Variants in DYNC2I2 observed in about 807,000 individuals in gnomAD.
DYNC2I2 encodes the protein dynein 2 intermediate chain 2.
Under a neutral mutation model 52.0 loss-of-function variants are expected in DYNC2I2, and 39 were observed. The ratio of observed to expected loss-of-function variants is 0.75; its 90% confidence interval spans 0.58 to 0.98. DYNC2I2 has a LOEUF of 0.98. Among genes scored for constraint, DYNC2I2 ranks in the 50% least tolerant of loss-of-function variants. DYNC2I2 has a pLI of 0.00. For missense variants in DYNC2I2, 743 were observed against 728.4 expected (o/e 1.02, Z -0.23); for synonymous variants, 359 against 321.1 (o/e 1.12, Z -1.26).
At position 128,634,732 on chromosome 9, in the gene DYNC2I2, G is replaced by C. The variant is rs537004785; in HGVS notation, c.1171C>G (p.His391Asp). The C allele has an allele frequency of 1.5e-5, 24 of 1,595,918 alleles. No homozygotes were observed. The highest frequency in any genetic ancestry group is 1.0e-4 in the South Asian group (9 of 88,570). ...CTCACAGAGTAGATGGGACCGCCGT[G>C]GGGGGAGAAGGTAAACTGTGCTGGG... ...RAPAQFTFSP[H>D]GGPIYSVSCS... The change falls in exon 7 of 9, where the codon CAC (histidine) becomes GAC (aspartate). Residue 391 changes from histidine to aspartate, a missense_variant. Coordinates refer to ENST00000372715, the MANE Select transcript of DYNC2I2 (RefSeq NM_052844.4).
At chr9:128,679,222 T>C in the DYNC2I2 span, among the ~76,000 whole-genome samples, 1 of 152,310 alleles carries the variant, frequency 6.6e-6, no homozygotes, top group East Asian at 1.9e-4. Context: ...ATTCTCTTCA[T>C]GATCTTAGGC....
At chr9:128,667,250 G>A in the DYNC2I2 span, among the ~76,000 whole-genome samples, 2 of 152,126 alleles carry the variant, frequency 1.3e-5, no homozygotes, top group Admixed American at 1.3e-4. Context: ...TTTAGTGCCA[G>A]CTACTAGGCT....
Position 128,634,680 on chromosome 9 carries a change from C to T in DYNC2I2, c.1214+9G>A. ...TGGCCCCACTGTGCCCCAGGCCTGCCCTACGTACCTGTGGAAGGGGGAACA... is the reference window on the plus strand; with the variant it reads ...TGGCCCCACTGTGCCCCAGGCCTGCTCTACGTACCTGTGGAAGGGGGAACA... On this transcript the variant is annotated intron_variant, in intron 7 of 8. Coordinates refer to ENST00000372715, the MANE Select transcript of DYNC2I2 (RefSeq NM_052844.4). 1.3e-6 allele frequency: 2 copies of T among 1,533,984 alleles called. No individual in the cohort carries two copies. Among genetic ancestry groups the T allele is most frequent in the South Asian group, 1.2e-5 (1 of 80,488 alleles).
chr9:128,652,432 C>CA (rs59498068), intron 1 of DYNC2I2, among the ~76,000 whole-genome samples: 42 of 92,856 alleles, frequency 4.5e-4, no homozygotes, highest in South Asian at 2.0e-3. Context: ...AACTTCATCT[C>CA]AAAAAAAAAA....
the DYNC2I2 span, among the ~76,000 whole-genome samples, chr9:128,671,548 A>G: frequency 2.7e-5 from 4 of 148,806 alleles, no homozygotes; most frequent in African/African-American, 9.9e-5. Flanking sequence ...TCTCGATTCA[A>G]TGTAACCTCT....
At chr9:128,668,306 G>A in the DYNC2I2 span, among the ~76,000 whole-genome samples, 1 of 140,568 alleles carries the variant, frequency 7.1e-6, no homozygotes, top group Non-Finnish European at 1.7e-5. Flanking sequence ...GCCTCCCAGA[G>A]TGCTGGGATT....
At chr9:128,636,209 TC>T in intron 4 of DYNC2I2, 71 bp downstream of exon 4, 1 of 1,547,560 alleles carries the variant, frequency 6.5e-7, no homozygotes, top group Non-Finnish European at 8.7e-7. Flanking sequence ...CATGGAAAGC[TC>T]CCTTGTGCCC....
At position 128,636,330 on chromosome 9, in the gene DYNC2I2, G is replaced by C. The variant is rs750407126; in HGVS notation, c.654C>G (p.Ser218Arg). ...GGTGGAAGGCCAGACACAGGACAGCGCTGGGGACCTCCACCACGGCCGACG... is the reference window on the plus strand; with the variant it reads ...GGTGGAAGGCCAGACACAGGACAGCCCTGGGGACCTCCACCACGGCCGACG... Reference protein sequence around the residue: ...QQPSAVVEVPSAVLCLAFHPT... With the variant: ...QQPSAVVEVPRAVLCLAFHPT... The change falls in exon 4 of 9, where the codon AGC (serine) becomes AGG (arginine). Residue 218 changes from serine (S) to arginine (R), a missense_variant. Coordinates refer to ENST00000372715, the MANE Select transcript of DYNC2I2 (RefSeq NM_052844.4). 3 of 1,597,316 alleles carry C rather than the reference G, an allele frequency of 1.9e-6. No homozygotes were observed. In the African/African-American group the frequency reaches 4.0e-5, roughly 21 times the overall value.
In DYNC2I2 at chr9:128,633,766, A is replaced by G. The variant is rs200500840; in HGVS notation, c.1589T>C (p.Leu530Pro). The G allele has an allele frequency of 6.2e-7, 1 of 1,613,278 alleles. No homozygotes were observed. The highest frequency in any genetic ancestry group is 2.2e-5 in the East Asian group (1 of 44,882). ...GPREAEDLDCLAAEVAA is the reference protein window; with the variant it reads ...GPREAEDLDCPAAEVAA ...CCCTCAGGCCGCCACCTCTGCTGCC[A>G]GGCAGTCCAGGTCCTCAGCTTCCCG... Residue 530 changes from leucine to proline, a missense_variant, in exon 9 of 9, where the codon CTG becomes CCG. By Grantham distance (98) the Leu-to-Pro change is moderately conservative (BLOSUM62 -3). Coordinates refer to ENST00000372715, the MANE Select transcript of DYNC2I2 (RefSeq NM_052844.4).
At chr9:128,639,669 T>G (rs143670815) in intron 2 of DYNC2I2, among the ~76,000 whole-genome samples, 5 of 151,682 alleles carry the variant, frequency 3.3e-5, no homozygotes, top group Admixed American at 1.3e-4. Flanking sequence ...TTTTGTTGTT[T>G]TTTTGTCTTT....
the DYNC2I2 span, chr9:128,683,881 G>A: frequency 2.6e-6 from 4 of 1,545,748 alleles, no homozygotes; most frequent in East Asian, 2.4e-5. Flanking sequence ...CTGGTTCTGG[G>A]ACTTCCCTAA....
upstream of DYNC2I2, among the ~76,000 whole-genome samples, chr9:128,657,091 G>A (rs897792809): frequency 1.3e-5 from 2 of 152,214 alleles, no homozygotes; most frequent in Non-Finnish European, 2.9e-5. Flanking sequence ...GTCTGGGCCT[G>A]GGAGCGCAGA....
the DYNC2I2 span, among the ~76,000 whole-genome samples, chr9:128,682,697 ACGGAGT>A: frequency 2.5e-5 from 3 of 122,388 alleles, no homozygotes; most frequent in Non-Finnish European, 4.9e-5. Context: ...TTTTTTTGAG[ACGGAGT>A]CTCGCTCTGT....
At position 128,635,119 on chromosome 9, in the gene DYNC2I2, C is replaced by T; in HGVS notation, c.954G>A (p.Gln318=). ...LTEGFALVMQ[Q]LPRSTKLKKH... Reference sequence around the variant, plus strand: ...TCTTGAGCTTGGTGCTCCGTGGCAGCTGCTGCATGACCAGGGCGAAGCCCT... The same window carrying T: ...TCTTGAGCTTGGTGCTCCGTGGCAGTTGCTGCATGACCAGGGCGAAGCCCT... Residue 318 remains glutamine, a synonymous_variant, in exon 6 of 9, where the codon CAG becomes CAA. Coordinates refer to ENST00000372715, the MANE Select transcript of DYNC2I2 (RefSeq NM_052844.4). The T allele has an allele frequency of 6.2e-7, 1 of 1,612,772 alleles. No homozygotes were observed. Among genetic ancestry groups the T allele is most frequent in the South Asian group, 1.1e-5 (1 of 91,038 alleles).
At chr9:128,648,629 T>C (rs373482118) in intron 1 of DYNC2I2, among the ~76,000 whole-genome samples, 1 of 30,154 alleles carries the variant, frequency 3.3e-5, no homozygotes, top group Non-Finnish European at 8.4e-5. Flanking sequence ...CTACTAAAAA[T>C]ACAAAAAAAA....
chr9:128,676,617 C>T, the DYNC2I2 span, among the ~76,000 whole-genome samples: 7 of 151,560 alleles, frequency 4.6e-5, no homozygotes, highest in Non-Finnish European at 7.4e-5. Flanking sequence ...CTGCTACCTC[C>T]GCCTCCTAGG....
the DYNC2I2 span, among the ~76,000 whole-genome samples, chr9:128,668,210 T>C: frequency 6.2e-3 from 942 of 151,146 alleles, 5 homozygotes; most frequent in Non-Finnish European, 9.0e-3. Flanking sequence ...CCGCCCGCCT[T>C]GGCCTCCCAA....
At position 128,656,733 on chromosome 9, in the gene DYNC2I2, G is replaced by C. The variant is rs763066546; in HGVS notation, c.-7C>G. On this transcript the variant is annotated 5_prime_UTR_variant, in exon 1 of 9. Transcript: ENST00000372715. ...GCTGCGCGCGGGTTGCCATGGAGAC[G>C]GTTCCGCCCTCTCGTGCGGACGCAC... is the stretch of plus-strand genomic sequence containing the variant. 2.9e-6 allele frequency: 4 copies of C among 1,385,970 alleles called. No homozygotes were observed. In the Admixed American group the frequency reaches 1.4e-4, roughly 49 times the overall value. 85.9% of individuals were successfully genotyped at this position (1,385,970 alleles called of 1,614,324 possible).
rs1860238455 is a variant in DYNC2I2 at position 128,633,801 on chromosome 9, T to G, written c.1554A>C (p.Glu518Asp). Residue 518 changes from glutamate (E) to aspartate (D), a missense_variant, in exon 9 of 9, where the codon GAA becomes GAC. By Grantham distance (45) the Glu-to-Asp change is conservative. Coordinates refer to ENST00000372715, the MANE Select transcript of DYNC2I2 (RefSeq NM_052844.4). ...KVWQLSTEFT[E>D]QGPREAEDLD... ...GGTCCTCAGCTTCCCGGGGCCCTTG[T>G]TCCGTGAACTCTGTGCTCAGCTGCC... 3 of 1,613,462 alleles carry G rather than the reference T, an allele frequency of 1.9e-6. No individual in the cohort carries two copies. Among genetic ancestry groups the G allele is most frequent in the Non-Finnish European group, 2.5e-6 (3 of 1,180,036 alleles).
Sources: allele counts gnomAD v4.1 joint callset (sites outside exome capture counted in the v4.1 genomes callset), GRCh38; gene constraint gnomAD v4.1.1; transcripts MANE v1.5; gene names NCBI Gene and HGNC (gene_info 2026-07-23, HGNC 2026-07-21).